Variants in CCDC141 observed in about 807,000 individuals in gnomAD.
CCDC141 encodes coiled-coil domain containing 141, also known as coiled-coil domain-containing protein 141.
CCDC141 carries 168 observed loss-of-function variants against 181.0 expected under a neutral mutation model. The ratio of observed to expected loss-of-function variants is 0.93; its 90% confidence interval spans 0.82 to 1.05. CCDC141 has a LOEUF of 1.05. CCDC141 is among the 50% of genes least tolerant of loss of function. CCDC141 has a pLI of 0.00. For missense variants in CCDC141, 1,902 were observed against 1,788.5 expected (o/e 1.06, Z -1.14); for synonymous variants, 666 against 642.3 (o/e 1.04, Z -0.56).
rs1057493257 is a variant in CCDC141 at position 178,834,213 on chromosome 2, T to C, written c.4553A>G (p.Tyr1518Cys). 53 of 1,536,134 alleles carry C rather than the reference T, an allele frequency of 3.5e-5. No individual in the cohort carries two copies. Among genetic ancestry groups the C allele is most frequent in the African/African-American group, 2.3e-4 (17 of 72,998 alleles). ...RVNWITLCVV[Y>C]VSVSLMYWLL... ...CCAGTACATTAGGGACACACTAACA[T>C]AGACGACACACAGGGTTATCCAGTT... Residue 1518 changes from tyrosine (Y) to cysteine (C), a missense_variant, in exon 24 of 24, where the codon TAT (tyrosine) becomes TGT (cysteine). By Grantham distance (194) the Tyr-to-Cys change is radical. Transcript: ENST00000443758.
chr2:179,028,015 G>A (rs187124658), intron 2 of CCDC141, among the ~76,000 whole-genome samples: 3 of 152,178 alleles, frequency 2.0e-5, no homozygotes, highest in East Asian at 3.9e-4. Context: ...TTCCTCTCAT[G>A]GTTTCCTGAA....
intron 2 of CCDC141, among the ~76,000 whole-genome samples, chr2:178,995,655 G>T (rs1692255102): frequency 6.6e-6 from 1 of 152,178 alleles, no homozygotes; most frequent in African/African-American, 2.4e-5. Context: ...CTCAAAAAAA[G>T]TCTCAGGAAG....
intron 23 of CCDC141, 147 bp from the exon 24 acceptor site, chr2:178,834,587 G>C (rs1684399289): frequency 1.1e-6 from 1 of 883,142 alleles, no homozygotes. Flanking sequence ...AAATTCCAGT[G>C]GGGCTCTTTA....
chr2:178,833,463 T>A lies in CCDC141; in HGVS notation c.*710A>T, dbSNP rs914439458. 6.6e-6 allele frequency: 1 copy of A among 152,200 alleles called. No individual in the cohort carries two copies. The highest frequency in any genetic ancestry group is 2.4e-5 in the African/African-American group (1 of 41,448). The allele number at this position is 152,200 out of a possible 1,614,324, so 9.4% of individuals were successfully genotyped here. ...CACATTGCTGCTCAAAACACATCAA[T>A]AGAATGTCAGGAATAACGTTGGTTC... is the stretch of plus-strand genomic sequence containing the variant. On this transcript the variant is annotated 3_prime_UTR_variant, in exon 24 of 24. Coordinates refer to ENST00000443758, the MANE Select transcript of CCDC141 (RefSeq NM_173648.4).
At chr2:178,823,226 G>A in the CCDC141 span, among the ~76,000 whole-genome samples, 2 of 152,126 alleles carry the variant, frequency 1.3e-5, no homozygotes, top group African/African-American at 4.8e-5. Context: ...TGCATTTTGA[G>A]TCAATAGTTA....
In CCDC141 at chr2:178,995,255, C is replaced by T. The variant is rs370484969; in HGVS notation, c.226-16580G>A. Among the ~76,000 whole-genome samples the T allele has an allele frequency of 4.6e-5, 7 of 152,292 alleles. No homozygotes were observed. The East Asian group carries it at 5.8e-4, about 13-fold the overall frequency. ...CAGTTCCACCTGTTCGGAGATGCCTCGCAATCAAGGCAGAAGGCAAGGAGG... is the reference window on the plus strand; with the variant it reads ...CAGTTCCACCTGTTCGGAGATGCCTTGCAATCAAGGCAGAAGGCAAGGAGG... On this transcript the variant is annotated intron_variant, in intron 2 of 23. Transcript: ENST00000443758.
intron 2 of CCDC141, among the ~76,000 whole-genome samples, chr2:179,019,820 G>A (rs542601982): frequency 6.6e-6 from 1 of 151,938 alleles, no homozygotes; most frequent in Admixed American, 6.6e-5. Context: ...AGACTGGAGC[G>A]CAGTGGCATG....
chr2:178,956,877 A>C (rs1423387097), intron 5 of CCDC141, among the ~76,000 whole-genome samples: 1 of 148,052 alleles, frequency 6.8e-6, no homozygotes, highest in Non-Finnish European at 1.5e-5. Context: ...GGGCTGAATG[A>C]GAAAGCTTTT....
In CCDC141 at chr2:178,934,262, A is replaced by G. The variant is rs1051557616; in HGVS notation, c.897+10273T>C. On this transcript the variant is annotated intron_variant, in intron 6 of 23. Transcript: ENST00000443758. ...CTGAAGGGAGTTCTATTATACGAAC[A>G]TTATTTCTGATGTGTAAGAGAAGGA... Among the ~76,000 whole-genome samples the G allele has an allele frequency of 3.3e-5, 5 of 152,160 alleles. No homozygotes were observed. In the East Asian group the frequency reaches 9.6e-4, roughly 29 times the overall value.
At chr2:178,887,267 A>G (rs915359360) in intron 9 of CCDC141, among the ~76,000 whole-genome samples, 2 of 152,186 alleles carry the variant, frequency 1.3e-5, no homozygotes, top group African/African-American at 4.8e-5. Context: ...TAAAGGCAAG[A>G]TCCAGAGCAT....
chr2:178,904,538 G>C (rs1029936458), intron 8 of CCDC141, among the ~76,000 whole-genome samples: 6 of 152,198 alleles, frequency 3.9e-5, no homozygotes, highest in African/African-American at 9.7e-5. Flanking sequence ...GTTTCAAGGA[G>C]ATTGTAGACA....
At chr2:178,889,217 AAAAG>A (rs904206812) in intron 8 of CCDC141, among the ~76,000 whole-genome samples, 31 of 152,202 alleles carry the variant, frequency 2.0e-4, no homozygotes, top group African/African-American at 7.2e-4. Context: ...GATAAAAAAA[AAAAG>A]AAGCCATGCC....
chr2:178,861,019 C>T (rs1425234198), intron 17 of CCDC141, among the ~76,000 whole-genome samples: 2 of 152,136 alleles, frequency 1.3e-5, no homozygotes, highest in South Asian at 2.1e-4. Context: ...GGAATGGATG[C>T]TTTTAGAGCA....
intron 2 of CCDC141, among the ~76,000 whole-genome samples, chr2:178,982,011 A>C (rs1691437579): frequency 6.6e-6 from 1 of 152,076 alleles, no homozygotes; most frequent in African/African-American, 2.4e-5. Context: ...GAATACTATA[A>C]ATGGCTCTAT....
chr2:179,045,517 G>T (rs1342365035), intron 2 of CCDC141, among the ~76,000 whole-genome samples: 1 of 152,098 alleles, frequency 6.6e-6, no homozygotes, highest in Non-Finnish European at 1.5e-5. Context: ...AGTCCTTTGG[G>T]TATGTACCCA....
intron 2 of CCDC141, among the ~76,000 whole-genome samples, chr2:179,030,358 T>G (rs2042968749): frequency 1.3e-5 from 2 of 152,078 alleles, no homozygotes; most frequent in Admixed American, 1.3e-4. Flanking sequence ...CTATGGCATA[T>G]TAACAAAATC....
In CCDC141 at chr2:178,850,087, A is replaced by T. The variant is rs778050785; in HGVS notation, c.3319T>A (p.Leu1107Ile). 5 of 1,610,216 alleles carry T rather than the reference A, an allele frequency of 3.1e-6. No homozygotes were observed. The highest frequency in any genetic ancestry group is 4.2e-6 in the Non-Finnish European group (5 of 1,177,614). The change falls in exon 21 of 24, where the codon TTA becomes ATA. Residue 1107 changes from leucine (L) to isoleucine (I), a missense_variant. Physicochemically the swap from Leu to Ile is conservative, Grantham distance 5. Coordinates refer to ENST00000443758, the MANE Select transcript of CCDC141 (RefSeq NM_173648.4). ...TCGAGCTCTGTGAGGGACTCACATA[A>T]TTCAGTCACAGATTCAAGAACCTCT... ...HKEVLESVTE[L>I]CESLTELEEK...
Position 178,837,479 on chromosome 2 carries a change from CT to C in CCDC141, c.3739del (p.Ser1247AlafsTer54). On this transcript the variant is annotated frameshift_variant, in exon 23 of 24. Coordinates refer to ENST00000443758, the MANE Select transcript of CCDC141 (RefSeq NM_173648.4). LOFTEE classifies it high-confidence loss of function. ...PVSSSLSLHISSYGVQAGTSS... is the reference protein window; with the variant it reads ...PVSSSLSLHIXSYGVQAGTSS... ...GGTCCCAGCCTGCACCCCATAGCTG[CT>C]TATGTGAAGGCTGAGGGAGGAGCTG... is the stretch of plus-strand genomic sequence containing the variant. 12 of 1,614,062 alleles carry C rather than the reference CT, an allele frequency of 7.4e-6. No individual in the cohort carries two copies. The highest frequency in any genetic ancestry group is 1.0e-5 in the Non-Finnish European group (12 of 1,179,980).
At chr2:178,876,298 A>C (rs1686354041) in intron 12 of CCDC141, 2 of 152,228 alleles carry the variant, frequency 1.3e-5, no homozygotes, top group Non-Finnish European at 2.9e-5. Flanking sequence ...AGAGCCATAA[A>C]ATTAGAGAAC....
Sources: gnomAD v4.1 joint callset for allele counts (sites outside exome capture counted in the v4.1 genomes callset) on GRCh38, gnomAD v4.1.1 for gene constraint, MANE v1.5 for transcripts, NCBI Gene and HGNC (gene_info 2026-07-23, HGNC 2026-07-21) for gene names.